THADA: variants seen among roughly 807,000 people sequenced by gnomAD.
The protein encoded by THADA is THADA armadillo repeat containing, also known as tRNA (32-2'-O)-methyltransferase regulator THADA.
In THADA, 213 loss-of-function variants were observed where a neutral mutation model predicts 219.8. That is an observed-to-expected ratio of 0.97 (90% CI 0.87 to 1.09). The LOEUF (loss-of-function observed/expected upper bound fraction) is 1.09, where lower values mean the gene tolerates loss of function less well. Among genes scored for constraint, THADA ranks in the 50% least tolerant of loss-of-function variants. The probability of loss-of-function intolerance (pLI) is 0.00; values close to 1 mark genes in which losing one functional copy is unlikely to be tolerated. For missense variants in THADA, 2,956 were observed against 2,311.3 expected (o/e 1.28, Z -5.72); for synonymous variants, 1,018 against 828.9 (o/e 1.23, Z -3.92).
intron 30 of THADA, among the ~76,000 whole-genome samples, chr2:43,328,434 T>C (rs939986646): frequency 6.6e-6 from 1 of 152,216 alleles, no homozygotes; most frequent in African/African-American, 2.4e-5. Context: ...TGAGTGTTTA[T>C]ACTCACAGCC....
Position 43,231,626 on chromosome 2 carries a change from T to A in THADA, c.5467-283A>T, listed in dbSNP as rs955624885. Among the ~76,000 whole-genome samples the A allele has an allele frequency of 3.3e-5, 5 of 152,120 alleles. No individual in the cohort carries two copies. The East Asian group carries it at 9.6e-4, about 29-fold the overall frequency. ...TTTGTGGTTCAAAGTCAAGATACTTTGGGGGATGGATGCTGAAAAGGGGAC... is the reference window on the plus strand; with the variant it reads ...TTTGTGGTTCAAAGTCAAGATACTTAGGGGGATGGATGCTGAAAAGGGGAC... On this transcript the variant is annotated intron_variant, in intron 37 of 37. Coordinates refer to ENST00000405975, the MANE Select transcript of THADA (RefSeq NM_022065.5).
At chr2:43,535,530 A>C (rs1032032777) in intron 21 of THADA, among the ~76,000 whole-genome samples, 2 of 151,554 alleles carry the variant, frequency 1.3e-5, no homozygotes, top group African/African-American at 4.8e-5. Context: ...AAAATACAAA[A>C]ATTAGCCAGG....
intron 26 of THADA, among the ~76,000 whole-genome samples, chr2:43,468,124 T>C (rs895136191): frequency 3.3e-5 from 5 of 152,226 alleles, no homozygotes; most frequent in Admixed American, 1.3e-4. Context: ...ATCCAGGATA[T>C]TTTTTGTTGT....
At chr2:43,560,430 G>T (rs376428705) in intron 15 of THADA, 45 bp from the exon 16 acceptor site, 4 of 1,403,042 alleles carry the variant, frequency 2.9e-6, no homozygotes, top group Non-Finnish European at 3.8e-6. Context: ...TGAACAAAAA[G>T]AAATCAGTCT....
intron 36 of THADA, among the ~76,000 whole-genome samples, chr2:43,238,568 C>T (rs1199946921): frequency 6.6e-6 from 1 of 152,082 alleles, no homozygotes; most frequent in Non-Finnish European, 1.5e-5. Context: ...CAGTTCTCCT[C>T]AAAAGATTAA....
intron 29 of THADA, among the ~76,000 whole-genome samples, chr2:43,395,499 A>ACGCCTGTAATCCCAGCACTTTGGG (rs1558690997): frequency 5.3e-5 from 8 of 150,182 alleles, no homozygotes; most frequent in African/African-American, 2.0e-4. Context: ...GAAACCACCT[A>ACGCCTGTAATCCCAGCACTTTGGG]AGACCCATAA....
chr2:43,253,479 T>C (rs1205864208), intron 36 of THADA, among the ~76,000 whole-genome samples: 1 of 152,172 alleles, frequency 6.6e-6, no homozygotes, highest in African/African-American at 2.4e-5. Flanking sequence ...TGACATTTTC[T>C]CAATCCTCAT....
At chr2:43,477,127 G>C (rs1196994381) in intron 26 of THADA, among the ~76,000 whole-genome samples, 2 of 152,098 alleles carry the variant, frequency 1.3e-5, no homozygotes, top group Non-Finnish European at 2.9e-5. Context: ...TCTCACAGTA[G>C]ATATATCTAC....
chr2:43,545,996 C>T (rs1695977700), intron 20 of THADA, among the ~76,000 whole-genome samples: 1 of 151,062 alleles, frequency 6.6e-6, no homozygotes, highest in Admixed American at 6.6e-5. Flanking sequence ...TTCCTGCTTT[C>T]TCTTGTGGGC....
At chr2:43,422,672 T>A (rs1419715974) in intron 28 of THADA, among the ~76,000 whole-genome samples, 1 of 152,176 alleles carries the variant, frequency 6.6e-6, no homozygotes, top group Non-Finnish European at 1.5e-5. Context: ...ATGATATATA[T>A]CTCTATTAAA....
chr2:43,246,900 G>A (rs1669218078), intron 36 of THADA, among the ~76,000 whole-genome samples: 1 of 152,218 alleles, frequency 6.6e-6, no homozygotes, highest in Non-Finnish European at 1.5e-5. Flanking sequence ...AAGCCTGGAA[G>A]GCAGGCAAGA....
intron 35 of THADA, among the ~76,000 whole-genome samples, chr2:43,281,846 T>C (rs958833435): frequency 6.6e-6 from 1 of 151,066 alleles, no homozygotes; most frequent in African/African-American, 2.4e-5. Flanking sequence ...TGGCTCACAC[T>C]GCAGGCTCGA....
intron 29 of THADA, among the ~76,000 whole-genome samples, chr2:43,373,433 T>A (rs1346222592): frequency 6.6e-6 from 1 of 152,132 alleles, no homozygotes; most frequent in African/African-American, 2.4e-5. Flanking sequence ...ATGACTAGGT[T>A]CTCTTAAGGA....
chr2:43,299,350 A>G (rs1675974650), intron 31 of THADA, among the ~76,000 whole-genome samples: 2 of 152,316 alleles, frequency 1.3e-5, no homozygotes, highest in African/African-American at 4.8e-5. Context: ...ACAAAGAACA[A>G]GTACACAATA....
At chr2:43,482,470 T>A (rs922376660) in intron 26 of THADA, among the ~76,000 whole-genome samples, 2 of 152,112 alleles carry the variant, frequency 1.3e-5, no homozygotes, top group Admixed American at 1.3e-4. Flanking sequence ...TTTAGTATTT[T>A]AAAAAAAGAA....
rs115138008 is a variant in THADA at position 43,593,122 on chromosome 2, G to A, written c.-24-706C>T. Among the ~76,000 whole-genome samples the A allele has an allele frequency of 2.3e-3, 352 of 152,184 alleles. 1 individual carries two copies. Among genetic ancestry groups the A allele is most frequent in the African/African-American group, 7.4e-3 (307 of 41,514 alleles). On this transcript the variant is annotated intron_variant, in intron 1 of 37. Coordinates refer to ENST00000405975, the MANE Select transcript of THADA (RefSeq NM_022065.5). ...CAGTATTTATGATGCAAATATTAGA[G>A]ACTATAATGTAGTACATGTATAAAA...
chr2:43,270,993 T>G (rs959579060), intron 36 of THADA, among the ~76,000 whole-genome samples: 1 of 152,174 alleles, frequency 6.6e-6, no homozygotes, highest in Non-Finnish European at 1.5e-5. Context: ...GTCCCCCCAC[T>G]GGCCTGCTCA....
intron 28 of THADA, among the ~76,000 whole-genome samples, chr2:43,423,346 T>C (rs545272377): frequency 1.3e-3 from 191 of 152,314 alleles, no homozygotes; most frequent in Admixed American, 2.4e-3. Flanking sequence ...AATTTTCACT[T>C]GGACTTTCCA....
chr2:43,267,856 C>T (rs151091706), intron 36 of THADA, among the ~76,000 whole-genome samples: 1 of 152,224 alleles, frequency 6.6e-6, no homozygotes, highest in Non-Finnish European at 1.5e-5. Flanking sequence ...CTTACAGATG[C>T]CAAATCTATA....
Sources: gnomAD v4.1 joint callset for allele counts (sites outside exome capture counted in the v4.1 genomes callset) on GRCh38, gnomAD v4.1.1 for gene constraint, MANE v1.5 for transcripts, NCBI Gene and HGNC (gene_info 2026-07-23, HGNC 2026-07-21) for gene names.